The following EPG5 variants were observed in gnomAD, a reference collection of about 807,000 sequenced individuals.
The protein encoded by EPG5 is ectopic P granules protein 5 homolog.
A neutral mutation model predicts 302.7 loss-of-function variants in EPG5; 159 were observed. The ratio of observed to expected loss-of-function variants is 0.53; its 90% CI spans 0.46 to 0.60. EPG5 has a LOEUF of 0.60. EPG5 is among the 20% of genes least tolerant of loss of function. EPG5 has a pLI of 0.00. For synonymous variants in EPG5, 1,158 were observed against 1,136.8 expected (o/e 1.02, Z -0.37); for missense variants, 2,896 against 3,092.4 (o/e 0.94, Z 1.51).
At position 45,948,574 on chromosome 18, in the gene EPG5, G is replaced by T. The variant is rs2143681275; in HGVS notation, c.1500C>A (p.Ile500=). The change falls in exon 6 of 44, where the codon ATC becomes ATA. Residue 500 remains isoleucine, a splice_region_variant and synonymous_variant. Coordinates refer to ENST00000282041, the MANE Select transcript of EPG5 (RefSeq NM_020964.3). ...CCCCTGATGGGTTATGCAACACTTT[G>T]ATCTGAAATCAGAAAAGCAAAAAGC... ...VSKWAVPFIQ[I]KVLHNPSGVF... 4 of 1,612,960 alleles carry T rather than the reference G, an allele frequency of 2.5e-6. No homozygotes were observed. The South Asian group carries it at 4.4e-5, about 18-fold the overall frequency.
At position 45,860,345 on chromosome 18, in the gene EPG5, G is replaced by C. The variant is rs780474089; in HGVS notation, c.6768C>G (p.Asp2256Glu). The change falls in exon 40 of 44, where the codon GAC (aspartate) becomes GAG (glutamate). Residue 2256 changes from aspartate to glutamate, a missense_variant and splice_region_variant. Coordinates refer to ENST00000282041, the MANE Select transcript of EPG5 (RefSeq NM_020964.3). ...LDDIIVFNPP[D>E]MDSQTRHMAL... is the part of the protein sequence containing the mutation. ...CCATGTGGCGGGTCTGGCTGTCCAT[G>C]TCTGAAAGGAATATAGACACACTCA... 1 of 1,614,212 alleles carries C rather than the reference G, an allele frequency of 6.2e-7. No homozygotes were observed. The highest frequency in any genetic ancestry group is 1.1e-5 in the South Asian group (1 of 91,080).
In EPG5 at chr18:45,939,657, T is replaced by C; in HGVS notation, c.2042A>G (p.Gln681Arg). Reference protein sequence around the residue: ...AQQPYSMEKLQVEFDELFLRA... With the variant: ...AQQPYSMEKLRVEFDELFLRA... ...CAAAAACAGTTCATCAAATTCAACC[T>C]GTAGTTTCTCCATAGAGTAGGGCTG... Residue 681 changes from glutamine to arginine, a missense_variant, in exon 10 of 44, where the codon CAG becomes CGG. By Grantham distance (43) the Gln-to-Arg change is conservative (BLOSUM62 1). Around this residue, in one of 5 missense-constraint regions of EPG5, gnomAD observed 1,390 missense variants for 1,430.0 expected, o/e 0.97. Transcript: ENST00000282041. 2 of 1,614,172 alleles carry C rather than the reference T, an allele frequency of 1.2e-6. No individual in the cohort carries two copies. Among genetic ancestry groups the C allele is most frequent in the Non-Finnish European group, 1.7e-6 (2 of 1,180,034 alleles).
chr18:45,812,453 A>G, the EPG5 span, among the ~76,000 whole-genome samples: 1 of 152,200 alleles, frequency 6.6e-6, no homozygotes, highest in African/African-American at 2.4e-5. Context: ...AAGGGCCCTC[A>G]TTGCCAAGTC....
At chr18:45,840,077 C>A in the EPG5 span, 1 of 924,720 alleles carries the variant, frequency 1.1e-6, no homozygotes. Flanking sequence ...GCTTCACACC[C>A]TGCTAGTCTG....
At chr18:45,868,712 C>T (rs144030416) in intron 36 of EPG5, among the ~76,000 whole-genome samples, 269 of 150,848 alleles carry the variant, frequency 1.8e-3, no homozygotes, top group Non-Finnish European at 3.5e-3. Context: ...ACAATGTCTC[C>T]GTATTATTAG....
chr18:45,870,940 G>A (rs1240711194), intron 35 of EPG5, among the ~76,000 whole-genome samples, 198 bp from the exon 36 acceptor site: 4 of 152,070 alleles, frequency 2.6e-5, no homozygotes, highest in African/African-American at 9.7e-5. Flanking sequence ...TTACCCACTC[G>A]GGTAACTGGA....
intron 21 of EPG5, 144 bp from the exon 22 acceptor site, chr18:45,912,600 T>C (rs1211764179): frequency 2.3e-6 from 2 of 858,308 alleles, no homozygotes; most frequent in East Asian, 2.9e-5. Flanking sequence ...AAAACTCACT[T>C]CTCCAATCCA....
At chr18:45,814,340 T>C in the EPG5 span, among the ~76,000 whole-genome samples, 2 of 152,190 alleles carry the variant, frequency 1.3e-5, no homozygotes, top group African/African-American at 4.8e-5. Context: ...TCATGAGAGA[T>C]AAAGGCTCGA....
rs1254842606 is a variant in EPG5, at chr18:45,955,324, A to G, written c.78T>C (p.Tyr26=). ...TGGACTCTTCCCTCTGAGGAGTTTCATACTTCTTCTTTTCCTAAAAACAAC... is the reference window on the plus strand; with the variant it reads ...TGGACTCTTCCCTCTGAGGAGTTTCGTACTTCTTCTTTTCCTAAAAACAAC... ...SRTKTKEKKK[Y]ETPQREESSE... The change falls in exon 2 of 44, where the codon TAT becomes TAC. Residue 26 remains tyrosine, a synonymous_variant. Coordinates refer to ENST00000282041, the MANE Select transcript of EPG5 (RefSeq NM_020964.3). The G allele has an allele frequency of 1.4e-5, 22 of 1,552,324 alleles. No individual in the cohort carries two copies. Among genetic ancestry groups the G allele is most frequent in the East Asian group, 2.3e-5 (1 of 43,508 alleles).
the EPG5 span, among the ~76,000 whole-genome samples, chr18:45,808,631 C>A: frequency 1.3e-5 from 2 of 152,106 alleles, no homozygotes; most frequent in Non-Finnish European, 2.9e-5. Flanking sequence ...TGAAACCAAG[C>A]TTCATATACA....
At chr18:45,878,877 A>G in intron 33 of EPG5, 136 bp downstream of exon 33, 1 of 671,824 alleles carries the variant, frequency 1.5e-6, no homozygotes, top group East Asian at 2.6e-5. Context: ...TGACACATAT[A>G]TGGGCTCATG....
chr18:45,917,679 T>G lies in EPG5; in HGVS notation c.3239A>C (p.Gln1080Pro). ...PCQYYLLKNE[Q>P]FLSHLLLFLH... ...CCTGCCATAGATGGAACACACTTAC[T>G]GCTCATTCTTCAGAAGGTAATACTG... The change falls in exon 17 of 44, where the codon CAG becomes CCG. Residue 1080 changes from glutamine to proline, a missense_variant and splice_region_variant. By Grantham distance (76) the Gln-to-Pro change is moderately conservative (BLOSUM62 -1). Coordinates refer to ENST00000282041, the MANE Select transcript of EPG5 (RefSeq NM_020964.3). 6.2e-7 allele frequency: 1 copy of G among 1,614,136 alleles called. No homozygotes were observed. Among genetic ancestry groups the G allele is most frequent in the Non-Finnish European group, 8.5e-7 (1 of 1,179,978 alleles).
At chr18:45,841,338 G>GA in the EPG5 span, among the ~76,000 whole-genome samples, 23 of 152,236 alleles carry the variant, frequency 1.5e-4, no homozygotes, top group East Asian at 3.1e-3. Flanking sequence ...CCCGGGAGAG[G>GA]AAAAGGCAAG....
intron 35 of EPG5, among the ~76,000 whole-genome samples, chr18:45,875,932 T>C (rs1599467997): frequency 6.6e-6 from 1 of 151,794 alleles, no homozygotes. Flanking sequence ...CGGCATGCGC[T>C]TGTAGTCCCA....
In EPG5 at chr18:45,879,050, G is replaced by C. The variant is rs369519447; in HGVS notation, c.5832C>G (p.Thr1944=). 2.5e-6 allele frequency: 4 copies of C among 1,614,144 alleles called. No individual in the cohort carries two copies. In the South Asian group the frequency reaches 4.4e-5, roughly 18 times the overall value. The part of the protein sequence containing the change: ...LVKRLIDLEM[T]CLAQDPTASR... ...TGGCAGTTGGGTCTTGGGCCAAACA[G>C]GTCATTTCTAAGTCAATCAGCCTTT... The change falls in exon 33 of 44, where the codon ACC becomes ACG. Residue 1944 remains threonine (T), a synonymous_variant. Transcript: ENST00000282041.
At chr18:45,837,348 A>C in the EPG5 span, among the ~76,000 whole-genome samples, 1 of 152,184 alleles carries the variant, frequency 6.6e-6, no homozygotes, top group Non-Finnish European at 1.5e-5. Context: ...TCAAGTCACA[A>C]GGTGGGGTTC....
intron 25 of EPG5, among the ~76,000 whole-genome samples, chr18:45,901,529 C>G (rs1599530566): frequency 6.6e-6 from 1 of 151,898 alleles, no homozygotes; most frequent in African/African-American, 2.4e-5. Flanking sequence ...ATGCCATCAT[C>G]CAGAATTCAG....
chr18:45,945,987 C>A (rs2050778449), intron 7 of EPG5, among the ~76,000 whole-genome samples: 1 of 152,186 alleles, frequency 6.6e-6, no homozygotes, highest in South Asian at 2.1e-4. Context: ...AAATCGGTCA[C>A]TGGACATTCT....
chr18:45,913,662 G>A (rs1235854641), intron 21 of EPG5, 44 bp downstream of exon 21: 7 of 1,609,838 alleles, frequency 4.3e-6, no homozygotes, highest in Admixed American at 1.7e-5. Flanking sequence ...GCATCAAAGT[G>A]TAAGCCACCT....
Sources: allele counts gnomAD v4.1 joint callset (sites outside exome capture counted in the v4.1 genomes callset), GRCh38; gene constraint gnomAD v4.1.1; regional missense constraint gnomAD v4.1.1; transcripts MANE v1.5; gene names NCBI Gene and HGNC (gene_info 2026-07-23, HGNC 2026-07-21).